Variants in CRTC1 observed in about 807,000 individuals in gnomAD.
CRTC1 encodes the protein CREB-regulated transcription coactivator 1.
A neutral mutation model predicts 66.1 loss-of-function variants in CRTC1; 18 were observed. The observed-to-expected ratio is 0.27, with a 90% CI of 0.19 to 0.40. The LOEUF is 0.40. Ranked by LOEUF, CRTC1 falls within the 10% of genes least tolerant of loss-of-function variation. The pLI, the probability that CRTC1 is intolerant of heterozygous loss-of-function variation, is 1.00. For synonymous variants in CRTC1, 416 were observed against 398.8 expected, an observed-to-expected ratio of 1.04 and a Z score of -0.51; for missense variants, 669 against 887.9, an observed-to-expected ratio of 0.75 and a Z score of 3.13.
intron 3 of CRTC1, 56 bp from the exon 4 acceptor site, chr19:18,746,997 T>A: frequency 6.5e-7 from 1 of 1,534,608 alleles, no homozygotes; most frequent in Non-Finnish European, 9.0e-7. Flanking sequence ...GGGCTGAGAG[T>A]GTGTTGTTGG....
At chr19:18,724,718 G>A (rs527866573) in intron 1 of CRTC1, among the ~76,000 whole-genome samples, 5 of 144,682 alleles carry the variant, frequency 3.5e-5, no homozygotes, top group East Asian at 4.3e-4. Context: ...GCAGTCACCC[G>A]ATGTAGGGTC....
chr19:18,777,665 C>T lies in CRTC1; in HGVS notation c.*283C>T, dbSNP rs1601032855. On this transcript the variant is annotated 3_prime_UTR_variant, in exon 14 of 14. Coordinates refer to ENST00000321949, the MANE Select transcript of CRTC1 (RefSeq NM_015321.3). The surrounding 1 kb of genome is among the most constrained non-coding windows in gnomAD (Gnocchi z 5.5). ...ACCCTCCCTGCACTGGCTCCCTCGCCCCCAGCCCCGGGGCCTGAGCCGTCC... is the reference window on the plus strand; with the variant it reads ...ACCCTCCCTGCACTGGCTCCCTCGCTCCCAGCCCCGGGGCCTGAGCCGTCC... 2 of 451,548 alleles carry T rather than the reference C, an allele frequency of 4.4e-6. No homozygotes were observed. Among genetic ancestry groups the T allele is most frequent in the Non-Finnish European group, 7.9e-6 (2 of 252,426 alleles). 28.0% of individuals were successfully genotyped at this position (451,548 alleles called of 1,614,324 possible).
rs7250582 is a variant in CRTC1, at chr19:18,756,257, C to T, written c.624+2672C>T. ...TTGGGACAGGAGAATTGCTTGAACC[C>T]GGGAGGCAGAGGTTGCAGTGAGCTG... On this transcript the variant is annotated intron_variant, in intron 6 of 13. Coordinates refer to ENST00000321949, the MANE Select transcript of CRTC1 (RefSeq NM_015321.3). 4.8e-3 allele frequency among the ~76,000 whole-genome samples: 648 copies of T among 135,080 alleles called. 8 individuals carry two copies. Among genetic ancestry groups the T allele is most frequent in the African/African-American group, 0.017 (630 of 36,082 alleles). The allele number at this position is 135,080 out of a possible 152,430, so 88.6% of individuals were successfully genotyped here.
chr19:18,752,665 G>A (rs1295588537), intron 5 of CRTC1, among the ~76,000 whole-genome samples: 1 of 148,942 alleles, frequency 6.7e-6, no homozygotes, highest in Non-Finnish European at 1.5e-5. Flanking sequence ...TTTTGAAACA[G>A]AGTTTCACTC....
At chr19:18,723,420 A>G (rs1473898595) in intron 1 of CRTC1, among the ~76,000 whole-genome samples, 1 of 152,188 alleles carries the variant, frequency 6.6e-6, no homozygotes, top group Non-Finnish European at 1.5e-5. Context: ...CTGCCTTAGC[A>G]TCCTTGCTTC....
At chr19:18,693,533 G>A (rs1349137172) in intron 1 of CRTC1, among the ~76,000 whole-genome samples, 5 of 146,044 alleles carry the variant, frequency 3.4e-5, no homozygotes, top group African/African-American at 1.0e-4. Context: ...CCAGGCTAGA[G>A]TGCAGCGGTG....
chr19:18,732,911 A>AAG (rs1029886413), intron 1 of CRTC1, among the ~76,000 whole-genome samples: 3 of 151,732 alleles, frequency 2.0e-5, no homozygotes, highest in African/African-American at 7.3e-5. Flanking sequence ...GCAACATAGG[A>AAG]AGACCCCATC....
chr19:18,744,314 C>T (rs1183004985), intron 2 of CRTC1, among the ~76,000 whole-genome samples: 3 of 152,170 alleles, frequency 2.0e-5, no homozygotes, highest in Admixed American at 6.5e-5. Context: ...GAAATGGATC[C>T]ACTCCGCACC....
At chr19:18,742,719 G>C (rs2054138236) in intron 1 of CRTC1, among the ~76,000 whole-genome samples, 191 bp from the exon 2 acceptor site, 1 of 152,210 alleles carries the variant, frequency 6.6e-6, no homozygotes, top group Admixed American at 6.5e-5. Flanking sequence ...CGGCACCTCG[G>C]GTTTCTGATT....
intron 1 of CRTC1, among the ~76,000 whole-genome samples, chr19:18,725,907 C>T (rs1199868515): frequency 6.6e-6 from 1 of 152,240 alleles, no homozygotes; most frequent in Non-Finnish European, 1.5e-5. Flanking sequence ...TCCTGCTGCC[C>T]AGATCCCCTG....
chr19:18,696,192 G>A (rs1316151751), intron 1 of CRTC1, among the ~76,000 whole-genome samples: 4 of 152,162 alleles, frequency 2.6e-5, no homozygotes, highest in Non-Finnish European at 4.4e-5. Flanking sequence ...GACTAACCCC[G>A]CAGCCTGTGT....
At chr19:18,729,091 G>T (rs1471250796) in intron 1 of CRTC1, among the ~76,000 whole-genome samples, 1 of 149,060 alleles carries the variant, frequency 6.7e-6, no homozygotes, top group East Asian at 2.1e-4. Context: ...GGGATTACAG[G>T]CGTGAGCCAC....
chr19:18,775,102 C>CG, intron 12 of CRTC1, 116 bp downstream of exon 12: 1 of 1,017,742 alleles, frequency 9.8e-7, no homozygotes, highest in Non-Finnish European at 1.5e-6. Flanking sequence ...GGGCCCGTGC[C>CG]TGCCCCTCAG....
At chr19:18,740,809 G>A (rs1397578782) in intron 1 of CRTC1, among the ~76,000 whole-genome samples, 2 of 152,016 alleles carry the variant, frequency 1.3e-5, no homozygotes, top group Non-Finnish European at 2.9e-5. Context: ...TTTGAGACCA[G>A]CCTGAGCAAC....
At chr19:18,743,666 C>T (rs192101523) in intron 2 of CRTC1, among the ~76,000 whole-genome samples, 17 of 152,274 alleles carry the variant, frequency 1.1e-4, no homozygotes, top group African/African-American at 3.8e-4. Flanking sequence ...CTGAGAAAAC[C>T]ACCTCGGACA....
At chr19:18,738,906 G>A (rs112330511) in intron 1 of CRTC1, among the ~76,000 whole-genome samples, 57 of 152,346 alleles carry the variant, frequency 3.7e-4, no homozygotes, top group Non-Finnish European at 5.7e-4. Flanking sequence ...AGGAGGGGCC[G>A]TCAGGCCTTG....
At chr19:18,742,026 T>C (rs1478088005) in intron 1 of CRTC1, among the ~76,000 whole-genome samples, 1 of 152,058 alleles carries the variant, frequency 6.6e-6, no homozygotes, top group Non-Finnish European at 1.5e-5. Flanking sequence ...CCTTCCTGCC[T>C]GCCCAGCCCC....
At chr19:18,756,344 A>AAAC (rs1555786041) in intron 6 of CRTC1, among the ~76,000 whole-genome samples, 1 of 150,532 alleles carries the variant, frequency 6.6e-6, no homozygotes. Flanking sequence ...CAAAAAAAAA[A>AAAC]AAAAAAAAAA....
intron 1 of CRTC1, among the ~76,000 whole-genome samples, chr19:18,713,726 C>T (rs1354965533): frequency 3.3e-5 from 5 of 152,250 alleles, no homozygotes; most frequent in African/African-American, 1.2e-4. Context: ...GAATATTCCA[C>T]TTGCGCGTGA....
Sources: gnomAD v4.1 joint callset for allele counts (sites outside exome capture counted in the v4.1 genomes callset) on GRCh38, gnomAD v4.1.1 for gene constraint, Gnocchi (gnomAD v3.1) non-coding constraint, MANE v1.5 for transcripts, NCBI Gene and HGNC (gene_info 2026-07-23, HGNC 2026-07-21) for gene names.